ZFP82: variants seen among roughly 807,000 people sequenced by gnomAD.
ZFP82 encodes the protein zinc finger protein 82 homolog.
ZFP82 carries 30 observed loss-of-function variants against 54.0 expected under a neutral mutation model. That is an observed-to-expected ratio of 0.56 (90% CI 0.42 to 0.75). The LOEUF (loss-of-function observed/expected upper bound fraction) is 0.75. ZFP82 is among the 30% of genes least tolerant of loss of function. The probability of loss-of-function intolerance (pLI) is 0.00; values close to 1 mark genes in which losing one functional copy is unlikely to be tolerated. For synonymous variants in ZFP82, 194 were observed against 209.5 expected, an observed-to-expected ratio of 0.93 and a Z score of 0.64; for missense variants, 500 against 636.8, an observed-to-expected ratio of 0.79 and a Z score of 2.31.
In ZFP82 at chr19:36,403,875, T is replaced by C. The variant is rs537640439; in HGVS notation, c.229+1705A>G. On this transcript the variant is annotated intron_variant, in intron 4 of 4. Coordinates refer to ENST00000392161, the MANE Select transcript of ZFP82 (RefSeq NM_133466.4). ...TGATAAAACATATATGATTATACTA[T>C]CAAGCATATCATTTTTGTAGTCTTT... 4.3e-3 allele frequency among the ~76,000 whole-genome samples: 662 copies of C among 152,190 alleles called. 3 individuals are homozygous for C. The highest frequency in any genetic ancestry group is 0.015 in the African/African-American group (636 of 41,514).
At chr19:36,409,098 C>A (rs1173235728) in intron 2 of ZFP82, among the ~76,000 whole-genome samples, 1 of 151,930 alleles carries the variant, frequency 6.6e-6, no homozygotes, top group East Asian at 1.9e-4. Context: ...TCCTGTTCAA[C>A]CAAAAATGGA....
intron 2 of ZFP82, 130 bp downstream of exon 2, chr19:36,409,651 C>T (rs989006711): frequency 3.3e-6 from 3 of 914,476 alleles, no homozygotes; most frequent in Non-Finnish European, 5.3e-6. Flanking sequence ...TGTGGTTCAC[C>T]CGCCACTGGA....
At chr19:36,396,296 C>A (rs12976881) in intron 4 of ZFP82, among the ~76,000 whole-genome samples, 3 of 151,804 alleles carry the variant, frequency 2.0e-5, no homozygotes, top group Non-Finnish European at 2.9e-5. Flanking sequence ...GCAGGAAGAT[C>A]TCTTCAGCCC....
intron 4 of ZFP82, 26 bp downstream of exon 4, chr19:36,405,554 C>T: frequency 3.8e-6 from 6 of 1,574,778 alleles, no homozygotes; most frequent in Non-Finnish European, 4.4e-6. Flanking sequence ...GTGTTGATGG[C>T]TTCTTCCTGC....
intron 4 of ZFP82, among the ~76,000 whole-genome samples, chr19:36,402,342 G>C (rs897653835): frequency 2.6e-5 from 4 of 151,800 alleles, no homozygotes; most frequent in Non-Finnish European, 4.4e-5. Flanking sequence ...GGTGGCGGGC[G>C]CCTGTAGTCC....
Position 36,390,764 on chromosome 19 carries a change from GTTTTGTTTTT to G in ZFP82, c.*1967_*1976del, listed in dbSNP as rs1374003286. ...CTATCATTCATTTGATCTTTGTTTT[GTTTTGTTTTT>G]TGTTTTTTGTTTGAGACAGAGTCTC... On this transcript the variant is annotated 3_prime_UTR_variant, in exon 5 of 5. Transcript: ENST00000392161. 3 of 139,278 alleles carry G rather than the reference GTTTTGTTTTT, an allele frequency of 2.2e-5. No individual in the cohort carries two copies. The highest frequency in any genetic ancestry group is 4.9e-5 in the Non-Finnish European group (3 of 61,400). The allele number at this position is 139,278 out of a possible 1,614,324, so 8.6% of individuals were successfully genotyped here.
At chr19:36,414,978 C>T (rs983448062) in intron 1 of ZFP82, among the ~76,000 whole-genome samples, 2 of 151,788 alleles carry the variant, frequency 1.3e-5, no homozygotes, top group African/African-American at 2.4e-5. Flanking sequence ...TGCACCACCA[C>T]GCCTGGCTAA....
chr19:36,388,495 C>T (rs2032141109), downstream of ZFP82, among the ~76,000 whole-genome samples: 1 of 151,458 alleles, frequency 6.6e-6, no homozygotes, highest in African/African-American at 2.4e-5. Context: ...CTGGGGTCAA[C>T]TTTGATCATT....
At chr19:36,403,511 TC>T (rs1236580489) in intron 4 of ZFP82, among the ~76,000 whole-genome samples, 1 of 148,646 alleles carries the variant, frequency 6.7e-6, no homozygotes, top group African/African-American at 2.5e-5. Flanking sequence ...TCCCAGCTAC[TC>T]CAGAGGCTGA....
At chr19:36,397,674 C>A (rs1030014216) in intron 4 of ZFP82, among the ~76,000 whole-genome samples, 10 of 151,530 alleles carry the variant, frequency 6.6e-5, no homozygotes, top group Non-Finnish European at 1.3e-4. Context: ...CCCCGCCACG[C>A]CCCACCACCT....
intron 1 of ZFP82, among the ~76,000 whole-genome samples, chr19:36,416,898 C>T (rs913931809): frequency 6.7e-6 from 1 of 149,180 alleles, no homozygotes; most frequent in Non-Finnish European, 1.5e-5. Context: ...CATGGTAAAA[C>T]CCGGTCTGTA....
At chr19:36,409,555 C>CT (rs2032541010) in intron 2 of ZFP82, among the ~76,000 whole-genome samples, 1 of 152,126 alleles carries the variant, frequency 6.6e-6, no homozygotes, top group African/African-American at 2.4e-5. Context: ...TAGCAGAAGA[C>CT]TGAGCACATA....
intron 1 of ZFP82, among the ~76,000 whole-genome samples, chr19:36,410,414 T>C (rs908862491): frequency 6.7e-6 from 1 of 149,902 alleles, no homozygotes; most frequent in Admixed American, 6.8e-5. Flanking sequence ...AATTCCAGTA[T>C]GTTGGGTGTT....
At chr19:36,396,840 C>CA (rs2032303705) in intron 4 of ZFP82, among the ~76,000 whole-genome samples, 1 of 81,344 alleles carries the variant, frequency 1.2e-5, no homozygotes. Flanking sequence ...GACTCTGTTT[C>CA]TTTAAAAAAA....
At chr19:36,408,897 A>G (rs1178410427) in intron 2 of ZFP82, among the ~76,000 whole-genome samples, 3 of 152,198 alleles carry the variant, frequency 2.0e-5, no homozygotes, top group Admixed American at 1.3e-4. Flanking sequence ...TTATACTTAG[A>G]TATTTTGGTT....
At chr19:36,403,991 C>T (rs1029430557) in intron 4 of ZFP82, among the ~76,000 whole-genome samples, 1 of 152,218 alleles carries the variant, frequency 6.6e-6, no homozygotes, top group African/African-American at 2.4e-5. Flanking sequence ...TCTCCATCCC[C>T]TTACTCTGCT....
chr19:36,407,864 T>C (rs1396760951), intron 3 of ZFP82, 23 bp downstream of exon 3: 3 of 1,609,766 alleles, frequency 1.9e-6, no homozygotes, highest in Non-Finnish European at 2.5e-6. Context: ...ACAGTCTAAA[T>C]TCCTAGAAGC....
In ZFP82 at chr19:36,402,267, G is replaced by A. The variant is rs182147626; in HGVS notation, c.229+3313C>T. On this transcript the variant is annotated intron_variant, in intron 4 of 4. Transcript: ENST00000392161. Reference sequence around the variant, plus strand: ...GCGGATCACAAGGTCAGGAGATCAAGACCATCCTGGCTAACACGGTAAAAC... The same window carrying A: ...GCGGATCACAAGGTCAGGAGATCAAAACCATCCTGGCTAACACGGTAAAAC... 5.2e-3 allele frequency among the ~76,000 whole-genome samples: 792 copies of A among 152,140 alleles called. 3 individuals carry two copies. Among genetic ancestry groups the A allele is most frequent in the Middle Eastern group, 0.014 (4 of 294 alleles).
At chr19:36,387,194 T>G (rs527322676), downstream of ZFP82, among the ~76,000 whole-genome samples, 7 of 152,312 alleles carry the variant, frequency 4.6e-5, no homozygotes, top group African/African-American at 1.7e-4. Flanking sequence ...TTGAAAGAGT[T>G]AAGACTTTGG....
Sources: gnomAD v4.1 joint callset for allele counts (sites outside exome capture counted in the v4.1 genomes callset) on GRCh38, gnomAD v4.1.1 for gene constraint, MANE v1.5 for transcripts, NCBI Gene and HGNC (gene_info 2026-07-23, HGNC 2026-07-21) for gene names.